ALG9: variants seen among roughly 807,000 people sequenced by gnomAD.
ALG9 encodes alpha-1,2-mannosyltransferase ALG9.
ALG9 carries 55 observed loss-of-function variants against 81.8 expected under a neutral mutation model. The observed-to-expected ratio is 0.67, with a 90% CI of 0.54 to 0.84. The LOEUF is 0.84. ALG9 is among the 40% of genes least tolerant of loss of function. The pLI, the probability that ALG9 is intolerant of heterozygous loss-of-function variation, is 0.00. For missense variants in ALG9, 629 were observed against 745.0 expected (o/e 0.84, Z 1.81); for synonymous variants, 278 against 274.3 (o/e 1.01, Z -0.13).
intron 10 of ALG9, among the ~76,000 whole-genome samples, chr11:111,839,319 C>A (rs1167634927): frequency 1.3e-5 from 2 of 152,178 alleles, no homozygotes; most frequent in Admixed American, 6.5e-5. Flanking sequence ...GGTGCGGTGG[C>A]TCACGCCTGT....
intron 13 of ALG9, among the ~76,000 whole-genome samples, chr11:111,820,769 C>T (rs1555102585): frequency 1.3e-5 from 2 of 152,174 alleles, no homozygotes; most frequent in African/African-American, 4.8e-5. Flanking sequence ...ATTTTAGCCA[C>T]AACTTTTTTA....
chr11:111,833,037 A>G (rs1954647623), intron 13 of ALG9, among the ~76,000 whole-genome samples: 5 of 152,196 alleles, frequency 3.3e-5, no homozygotes, highest in Admixed American at 3.3e-4. Flanking sequence ...GTCTCTTAAA[A>G]AAGAAAGAAA....
At chr11:111,799,423 G>A (rs1948772915) in intron 14 of ALG9, among the ~76,000 whole-genome samples, 1 of 150,728 alleles carries the variant, frequency 6.6e-6, no homozygotes, top group South Asian at 2.1e-4. Flanking sequence ...TTACAGGCAT[G>A]AGCCACCGTG....
At chr11:111,779,224 A>T (rs967098309), downstream of ALG9, among the ~76,000 whole-genome samples, 1 of 152,158 alleles carries the variant, frequency 6.6e-6, no homozygotes, top group African/African-American at 2.4e-5. Flanking sequence ...AGGCTGTTGA[A>T]GCAGCTAACC....
chr11:111,827,242 T>G (rs1271837661), intron 13 of ALG9, among the ~76,000 whole-genome samples: 2 of 151,846 alleles, frequency 1.3e-5, no homozygotes, highest in East Asian at 3.9e-4. Context: ...TCTGGAAGGC[T>G]GAGGTGGGCG....
chr11:111,813,793 TA>T (rs1318645856), intron 13 of ALG9, among the ~76,000 whole-genome samples: 1 of 151,690 alleles, frequency 6.6e-6, no homozygotes, highest in Non-Finnish European at 1.5e-5. Context: ...AAAACCACAA[TA>T]AAAAAAATTA....
chr11:111,865,629 A>C (rs1169603613), intron 3 of ALG9, among the ~76,000 whole-genome samples: 1 of 152,260 alleles, frequency 6.6e-6, no homozygotes, highest in Non-Finnish European at 1.5e-5. Context: ...CATTCTTGCA[A>C]TATAATGCTC....
chr11:111,848,590 CAA>C (rs60317912), intron 8 of ALG9, among the ~76,000 whole-genome samples: 15 of 50,206 alleles, frequency 3.0e-4, no homozygotes, highest in Non-Finnish European at 4.4e-4. Flanking sequence ...AACTCCATCT[CAA>C]AAAAAAAAAA....
Position 111,870,255 on chromosome 11 carries a change from C to A in ALG9, c.247G>T (p.Glu83Ter). The A allele has an allele frequency of 6.2e-7, 1 of 1,610,424 alleles. No homozygotes were observed. The highest frequency in any genetic ancestry group is 8.5e-7 in the Non-Finnish European group (1 of 1,178,930). ...ACTGGCTCCCAGTAGTTGAATGTTTCATCACAGTCAGAGATGTTGCTCAGG... is the reference window on the plus strand; with the variant it reads ...ACTGGCTCCCAGTAGTTGAATGTTTAATCACAGTCAGAGATGTTGCTCAGG... ...ALLSNISDCDETFNYWEPTHY... is the reference protein window; with the variant it reads ...ALLSNISDCD The change falls in exon 2 of 15, where the codon GAA (glutamate) becomes TAA (stop). Residue 83 changes from glutamate (E) to a stop codon, truncating the protein, a stop_gained. Transcript: ENST00000616540. LOFTEE classifies it high-confidence loss of function.
intron 13 of ALG9, among the ~76,000 whole-genome samples, chr11:111,815,417 A>AT (rs1592004690): frequency 6.6e-6 from 1 of 152,188 alleles, no homozygotes; most frequent in East Asian, 1.9e-4. Flanking sequence ...ACTAAAAAAA[A>AT]GAAAGACACC....
chr11:111,799,150 A>G (rs1192988387), intron 14 of ALG9, among the ~76,000 whole-genome samples: 1 of 152,076 alleles, frequency 6.6e-6, no homozygotes, highest in East Asian at 1.9e-4. Flanking sequence ...AACTCACAGT[A>G]TAATTTTTTT....
intron 13 of ALG9, among the ~76,000 whole-genome samples, chr11:111,831,127 G>A (rs1313427047): frequency 3.9e-5 from 6 of 152,030 alleles, no homozygotes; most frequent in East Asian, 1.9e-4. Context: ...TGCAACCTCC[G>A]CCTCCTGGGT....
Position 111,809,789 on chromosome 11 carries a change from G to C in ALG9, c.1603-16C>G, listed in dbSNP as rs782059508. 5 of 1,613,594 alleles carry C rather than the reference G, an allele frequency of 3.1e-6. No individual in the cohort carries two copies. Among genetic ancestry groups the C allele is most frequent in the Non-Finnish European group, 4.2e-6 (5 of 1,179,676 alleles). On this transcript the variant is annotated splice_polypyrimidine_tract_variant and intron_variant, in intron 13 of 14. Transcript: ENST00000616540. ...TGATATCAATCTGAAATGGAGAAAG[G>C]CCAACTCTTCATTAGTAATTTTGAA...
Position 111,786,250 on chromosome 11 carries a change from A to G in ALG9, c.*147T>C. The G allele has an allele frequency of 7.9e-7, 1 of 1,269,796 alleles. No homozygotes were observed. The highest frequency in any genetic ancestry group is 1.1e-6 in the Non-Finnish European group (1 of 875,130). The allele number at this position is 1,269,796 out of a possible 1,614,324, so 78.7% of individuals were successfully genotyped here. On this transcript the variant is annotated 3_prime_UTR_variant, in exon 15 of 15. Transcript: ENST00000616540. The stretch of plus-strand genomic sequence containing the variant: ...TGACTTTGATTAGACTTTGAAATAG[A>G]CTTTGACTAGCCCAGAGCACCCAGA...
In ALG9 at chr11:111,786,518, G is replaced by A; in HGVS notation, c.1736C>T (p.Ser579Phe). 1.2e-6 allele frequency: 2 copies of A among 1,613,912 alleles called. No homozygotes were observed. Among genetic ancestry groups the A allele is most frequent in the Non-Finnish European group, 1.7e-6 (2 of 1,179,912 alleles). The stretch of plus-strand genomic sequence containing the variant: ...ATAGAATGCCCGCAGCAGCTTTGAA[G>A]ATCTGAAAAACAAGGGATAAAAAAA... ...AYRPFLDASR[S>F]SKLLRAFYVP... Residue 579 changes from serine to phenylalanine, a missense_variant and splice_region_variant, in exon 15 of 15, where the codon TCT becomes TTT. Around this residue, in one of 3 missense-constraint regions of ALG9, gnomAD observed 264 missense variants for 302.2 expected, o/e 0.87. Transcript: ENST00000616540.
At chr11:111,788,469 C>A in intron 14 of ALG9, 1 of 453,966 alleles carries the variant, frequency 2.2e-6, no homozygotes. Context: ...AATGGCCAGG[C>A]ACGGTGGCTC....
rs1555122904 is a variant in ALG9, at chr11:111,840,721, C to T, written c.1107G>A (p.Glu369=). The change falls in exon 10 of 15, where the codon GAG becomes GAA. Residue 369 remains glutamate, a synonymous_variant. Transcript: ENST00000616540. Reference sequence around the variant, plus strand: ...GTGGATACACAGGGAAAAGAAATCTCTCCTCTTTGTGAGGCTGGATGAAGA... The same window carrying T: ...GTGGATACACAGGGAAAAGAAATCTTTCCTCTTTGTGAGGCTGGATGAAGA... The part of the protein sequence containing the change: ...IIFFIQPHKE[E]RFLFPVYPLI... The T allele has an allele frequency of 6.2e-7, 1 of 1,614,104 alleles. No homozygotes were observed. Among genetic ancestry groups the T allele is most frequent in the Admixed American group, 1.7e-5 (1 of 60,014 alleles).
At chr11:111,845,929 T>G (rs1956881973) in intron 8 of ALG9, among the ~76,000 whole-genome samples, 1 of 152,240 alleles carries the variant, frequency 6.6e-6, no homozygotes, top group Non-Finnish European at 1.5e-5. Flanking sequence ...CAAGTTCAAC[T>G]GTGCGTCACC....
At chr11:111,825,522 G>A (rs1953083462) in intron 13 of ALG9, among the ~76,000 whole-genome samples, 4 of 152,214 alleles carry the variant, frequency 2.6e-5, no homozygotes, top group Admixed American at 6.5e-5. Context: ...TGTTCCTTCT[G>A]ACTGGAATGT....
Sources: gnomAD v4.1 joint callset for allele counts (sites outside exome capture counted in the v4.1 genomes callset) on GRCh38, gnomAD v4.1.1 for gene constraint, gnomAD v4.1.1 regional missense constraint, MANE v1.5 for transcripts, NCBI Gene and HGNC (gene_info 2026-07-23, HGNC 2026-07-21) for gene names.